DUSP12: variants seen among roughly 807,000 people sequenced by gnomAD.
DUSP12 encodes the protein dual specificity phosphatase 12, also known as dual specificity protein phosphatase 12.
In DUSP12, 25 loss-of-function variants were observed where a neutral mutation model predicts 38.9. The observed-to-expected ratio is 0.64, with a 90% CI of 0.47 to 0.90. The LOEUF is 0.90. Ranked by LOEUF, DUSP12 falls within the 40% of genes least tolerant of loss-of-function variation. The probability of loss-of-function intolerance (pLI) is 0.00; values close to 1 mark genes in which losing one functional copy is unlikely to be tolerated. For synonymous variants in DUSP12, 153 were observed against 153.9 expected, an observed-to-expected ratio of 0.99 and a Z score of 0.05; for missense variants, 403 against 427.0, an observed-to-expected ratio of 0.94 and a Z score of 0.50.
In DUSP12 at chr1:161,757,105, A is replaced by C; in HGVS notation, c.*158A>C. On this transcript the variant is annotated 3_prime_UTR_variant, in exon 6 of 6. Coordinates refer to ENST00000367943, the MANE Select transcript of DUSP12 (RefSeq NM_007240.3). Reference sequence around the variant, plus strand: ...ACCTGGAAACTATGCTTTACATGGCAATCAAAGCCTTTTGATCATGTACAT... The same window carrying C: ...ACCTGGAAACTATGCTTTACATGGCCATCAAAGCCTTTTGATCATGTACAT... 1.6e-6 allele frequency: 1 copy of C among 624,744 alleles called. No individual in the cohort carries two copies. Among genetic ancestry groups the C allele is most frequent in the Non-Finnish European group, 2.6e-6 (1 of 379,292 alleles). 38.7% of individuals were successfully genotyped at this position (624,744 alleles called of 1,614,324 possible).
intron 5 of DUSP12, among the ~76,000 whole-genome samples, chr1:161,756,483 CTATATATATATATATA>C (rs10527814): frequency 0.18 from 22,658 of 124,640 alleles, 3,058 homozygotes; most frequent in African/African-American, 0.36. Flanking sequence ...GATTTAAAAG[CTATATATATATATATA>C]TATATATATA....
chr1:161,753,384 TTA>T (rs1286933510), intron 5 of DUSP12, 123 bp downstream of exon 5: 5 of 868,558 alleles, frequency 5.8e-6, no homozygotes, highest in Non-Finnish European at 8.2e-6. Flanking sequence ...TTTCTGAAGA[TTA>T]TATCTTTCTA....
chr1:161,751,745 C>G lies in DUSP12; in HGVS notation c.422C>G (p.Ala141Gly). The G allele has an allele frequency of 6.2e-7, 1 of 1,613,334 alleles. No individual in the cohort carries two copies. Among genetic ancestry groups the G allele is most frequent in the Non-Finnish European group, 8.5e-7 (1 of 1,179,736 alleles). Residue 141 changes from alanine (A) to glycine (G), a missense_variant, in exon 2 of 6, where the codon GCC becomes GGC. Ala to Gly is a moderately conservative substitution (Grantham distance 60). Transcript: ENST00000367943. Reference protein sequence around the residue: ...MKTDQLPFEKAYEKLQILKPE... With the variant: ...MKTDQLPFEKGYEKLQILKPE... ...ACTGACCAACTTCCCTTTGAAAAAG[C>G]CTATGAAAAGCTCCAGATTCTCAAA... is the stretch of plus-strand genomic sequence containing the variant.
chr1:161,754,913 C>T (rs1217241576), intron 5 of DUSP12, among the ~76,000 whole-genome samples: 2 of 152,180 alleles, frequency 1.3e-5, no homozygotes, highest in East Asian at 3.8e-4. Context: ...TCACCACAAC[C>T]TCTGCCTCCC....
intron 1 of DUSP12, 75 bp downstream of exon 1, chr1:161,750,220 G>T: frequency 6.7e-7 from 1 of 1,500,792 alleles, no homozygotes; most frequent in Non-Finnish European, 9.0e-7. Context: ...ACCTTCCGAG[G>T]CCGTCGGGAG....
chr1:161,751,256 C>A, intron 1 of DUSP12: 1 of 163,292 alleles, frequency 6.1e-6, no homozygotes, highest in Non-Finnish European at 1.3e-5. Context: ...ACAGACCCCA[C>A]CACATCCGGC....
chr1:161,756,859 G>A lies in DUSP12; in HGVS notation c.935G>A (p.Trp312Ter). The A allele has an allele frequency of 6.2e-7, 1 of 1,613,826 alleles. No individual in the cohort carries two copies. Among genetic ancestry groups the A allele is most frequent in the Non-Finnish European group, 8.5e-7 (1 of 1,179,820 alleles). The change falls in exon 6 of 6, where the codon TGG (tryptophan) becomes TAG (stop). Residue 312 changes from tryptophan to a stop codon, truncating the protein, a stop_gained. Coordinates refer to ENST00000367943, the MANE Select transcript of DUSP12 (RefSeq NM_007240.3). LOFTEE classifies it high-confidence loss of function. ...GGTGAACAGTGCTCTTGTGGTAGGT[G>A]GATAACACCTGCTTTTCAAATACAT... ...WYGEQCSCGR[W>*]ITPAFQIHKN...
chr1:161,757,124 T>C lies in DUSP12; in HGVS notation c.*177T>C, dbSNP rs971225175. ...CATGGCAATCAAAGCCTTTTGATCA[T>C]GTACATTTTATTTGATATTAAAATC... On this transcript the variant is annotated 3_prime_UTR_variant, in exon 6 of 6. Transcript: ENST00000367943. 96 of 530,180 alleles carry C rather than the reference T, an allele frequency of 1.8e-4. No homozygotes were observed. In the East Asian group the frequency reaches 2.9e-3, roughly 16 times the overall value. The allele number at this position is 530,180 out of a possible 1,614,324, so 32.8% of individuals were successfully genotyped here.
intron 5 of DUSP12, among the ~76,000 whole-genome samples, 183 bp from the exon 6 acceptor site, chr1:161,756,603 A>C (rs1303425740): frequency 6.6e-6 from 1 of 151,126 alleles, no homozygotes; most frequent in Non-Finnish European, 1.5e-5. Flanking sequence ...CATTCTTCCT[A>C]TGAGATAATT....
At chr1:161,753,017 A>G in intron 4 of DUSP12, 58 bp from the exon 5 acceptor site, 1 of 1,460,944 alleles carries the variant, frequency 6.8e-7, no homozygotes, top group Non-Finnish European at 9.3e-7. Flanking sequence ...CGCACATTTC[A>G]TCCATGTTTT....
In DUSP12 at chr1:161,756,987, T is replaced by C. The variant is rs777777479; in HGVS notation, c.*40T>C. ...AGCTTGGGAAGAAACTTGCAGATGATATGTGCTGCCTTTGCTTCTTATCAT... is the reference window on the plus strand; with the variant it reads ...AGCTTGGGAAGAAACTTGCAGATGACATGTGCTGCCTTTGCTTCTTATCAT... On this transcript the variant is annotated 3_prime_UTR_variant, in exon 6 of 6. Coordinates refer to ENST00000367943, the MANE Select transcript of DUSP12 (RefSeq NM_007240.3). 8.8e-5 allele frequency: 139 copies of C among 1,585,270 alleles called. 1 individual carries two copies. In the Admixed American group the frequency reaches 2.3e-3, roughly 27 times the overall value.
At position 161,757,003 on chromosome 1, in the gene DUSP12, T is replaced by C; in HGVS notation, c.*56T>C. On this transcript the variant is annotated 3_prime_UTR_variant, in exon 6 of 6. Transcript: ENST00000367943. ...TGCAGATGATATGTGCTGCCTTTGC[T>C]TCTTATCATTCATGGCAGATTGTTT... 3.3e-6 allele frequency: 5 copies of C among 1,499,354 alleles called. No individual in the cohort carries two copies. The highest frequency in any genetic ancestry group is 4.5e-6 in the Non-Finnish European group (5 of 1,101,976). The allele number at this position is 1,499,354 out of a possible 1,614,324, so 92.9% of individuals were successfully genotyped here.
At chr1:161,751,473 T>G (rs190023522) in intron 1 of DUSP12, 195 bp from the exon 2 acceptor site, 161 of 618,854 alleles carry the variant, frequency 2.6e-4, no homozygotes, top group African/African-American at 2.6e-3. Flanking sequence ...GGTAATAGAT[T>G]CACGTGGTTC....
chr1:161,755,825 A>C (rs1303821560), intron 5 of DUSP12, among the ~76,000 whole-genome samples: 3 of 152,266 alleles, frequency 2.0e-5, no homozygotes, highest in African/African-American at 7.2e-5. Flanking sequence ...ATATTTACAT[A>C]ATAAAATTTG....
rs1324739543 is a variant in DUSP12 at position 161,753,140 on chromosome 1, C to T, written c.740C>T (p.Ala247Val). Reference protein sequence around the residue: ...HREGSGPIAFAHKRMTPSSML... With the variant: ...HREGSGPIAFVHKRMTPSSML... ...GAAGGAAGTGGACCTATAGCCTTTG[C>T]CCACAAGAGAATGACACCATCTTCC... Residue 247 changes from alanine (A) to valine (V), a missense_variant, in exon 5 of 6, where the codon GCC (alanine) becomes GTC (valine). Ala to Val is a moderately conservative substitution (Grantham distance 64, BLOSUM62 0). Transcript: ENST00000367943. 3 of 1,613,824 alleles carry T rather than the reference C, an allele frequency of 1.9e-6. No homozygotes were observed. In the African/African-American group the frequency reaches 4.0e-5, roughly 22 times the overall value.
chr1:161,749,867 C>T lies in DUSP12; in HGVS notation c.66C>T (p.Ser22=), dbSNP rs1353616724. The T allele has an allele frequency of 6.2e-7, 1 of 1,610,272 alleles. No individual in the cohort carries two copies. Among genetic ancestry groups the T allele is most frequent in the Admixed American group, 1.7e-5 (1 of 59,464 alleles). The change falls in exon 1 of 6, where the codon AGC becomes AGT. Residue 22 remains serine, a synonymous_variant. Coordinates refer to ENST00000367943, the MANE Select transcript of DUSP12 (RefSeq NM_007240.3). ...GCAACCCCAGCGCCAGCAGAGTCAG[C>T]TGTGCCGGGCAGATGCTGGAAGTGC... The part of the protein sequence containing the change: ...ELSNPSASRV[S]CAGQMLEVQP...
chr1:161,754,572 A>C (rs765906399), intron 5 of DUSP12, among the ~76,000 whole-genome samples: 1 of 152,316 alleles, frequency 6.6e-6, no homozygotes, highest in Non-Finnish European at 1.5e-5. Context: ...ACTTATTATC[A>C]TGGCAGAAGG....
At position 161,749,990 on chromosome 1, in the gene DUSP12, G is replaced by A. The variant is rs139051375; in HGVS notation, c.189G>A (p.Glu63=). Residue 63 remains glutamate (E), a synonymous_variant, in exon 1 of 6, where the codon GAG becomes GAA. Coordinates refer to ENST00000367943, the MANE Select transcript of DUSP12 (RefSeq NM_007240.3). ...ITAVLTVDSE[E]PSFKAGPGVE... is the part of the protein sequence containing the mutation. ...CCGTGCTAACAGTGGACTCGGAGGA[G>A]CCCAGCTTCAAGGCGGGGCCTGGGG... 476 of 1,614,080 alleles carry A rather than the reference G, an allele frequency of 2.9e-4. No individual in the cohort carries two copies. The African/African-American group carries it at 5.4e-3, about 18-fold the overall frequency.
rs889858202 is a variant in DUSP12 at position 161,757,068 on chromosome 1, T to C, written c.*121T>C. Reference sequence around the variant, plus strand: ...TCATTTGAAATGGGAGAAGATAAAATCACTTGATGTAACCTGGAAACTATG... The same window carrying C: ...TCATTTGAAATGGGAGAAGATAAAACCACTTGATGTAACCTGGAAACTATG... On this transcript the variant is annotated 3_prime_UTR_variant, in exon 6 of 6. Transcript: ENST00000367943. 64 of 950,540 alleles carry C rather than the reference T, an allele frequency of 6.7e-5. No homozygotes were observed. The highest frequency in any genetic ancestry group is 9.1e-5 in the Non-Finnish European group (60 of 656,694). The allele number at this position is 950,540 out of a possible 1,614,324, so 58.9% of individuals were successfully genotyped here. A position where few individuals can be genotyped will look rare whatever the true frequency, so the allele number is the denominator to read the frequency against.
Sources: allele counts gnomAD v4.1 joint callset (sites outside exome capture counted in the v4.1 genomes callset), GRCh38; gene constraint gnomAD v4.1.1; transcripts MANE v1.5; gene names NCBI Gene and HGNC (gene_info 2026-07-23, HGNC 2026-07-21).